COL5A2: variants seen among roughly 807,000 people sequenced by gnomAD.
The protein encoded by COL5A2 is collagen alpha-2(V) chain.
COL5A2 carries 23 observed loss-of-function variants against 208.2 expected under a neutral mutation model. The ratio of observed to expected loss-of-function variants is 0.11; its 90% CI spans 0.08 to 0.16. The LOEUF (loss-of-function observed/expected upper bound fraction) is 0.16, where lower values mean the gene tolerates loss of function less well. COL5A2 is among the 10% of genes least tolerant of loss of function. COL5A2 has a pLI of 1.00. For synonymous variants in COL5A2, 625 were observed against 628.5 expected, an observed-to-expected ratio of 0.99 and a Z score of 0.08; for missense variants, 1,590 against 1,956.4, an observed-to-expected ratio of 0.81 and a Z score of 3.53.
rs187510726 is a variant in COL5A2, at chr2:189,190,633, A to C, written c.-42+34515T>G. On this transcript the variant is annotated intron_variant, in intron 1 of 10. Transcript: ENST00000649966. Reference sequence around the variant, plus strand: ...CTCAGTATTCTACTCCATTTTTATAAATCTGATAAAAACTCTCCAAATAAT... The same window carrying C: ...CTCAGTATTCTACTCCATTTTTATACATCTGATAAAAACTCTCCAAATAAT... 1.5e-3 allele frequency among the ~76,000 whole-genome samples: 222 copies of C among 152,288 alleles called. 1 individual carries two copies. Among genetic ancestry groups the C allele is most frequent in the African/African-American group, 5.0e-3 (206 of 41,566 alleles).
At chr2:189,091,172 G>A (rs138544728) in intron 7 of COL5A2, among the ~76,000 whole-genome samples, 1 of 152,250 alleles carries the variant, frequency 6.6e-6, no homozygotes, top group East Asian at 1.9e-4. Flanking sequence ...GACTGCATTG[G>A]GGGAAGTAAT....
At chr2:189,142,611 C>G (rs564053075) in intron 1 of COL5A2, among the ~76,000 whole-genome samples, 4 of 152,246 alleles carry the variant, frequency 2.6e-5, no homozygotes, top group Non-Finnish European at 4.4e-5. Context: ...AAAAAATTCT[C>G]TCCATATTTT....
At chr2:189,431,216 T>TA in the COL5A2 span, among the ~76,000 whole-genome samples, 1 of 152,046 alleles carries the variant, frequency 6.6e-6, no homozygotes, top group Non-Finnish European at 1.5e-5. Context: ...CAAAGGTAGA[T>TA]AAAACCAAAA....
the COL5A2 span, among the ~76,000 whole-genome samples, chr2:189,365,851 T>C: frequency 1.3e-5 from 2 of 152,158 alleles, no homozygotes; most frequent in Non-Finnish European, 2.9e-5. Context: ...CCAGTAAAGG[T>C]GAAAAAGGCC....
chr2:189,159,629 T>C (rs546700181), intron 1 of COL5A2, among the ~76,000 whole-genome samples: 1 of 152,300 alleles, frequency 6.6e-6, no homozygotes, highest in African/African-American at 2.4e-5. Flanking sequence ...TACAAGTAAA[T>C]GTATTAGTTG....
chr2:189,191,962 C>T (rs1688937948), intron 1 of COL5A2, among the ~76,000 whole-genome samples: 1 of 151,734 alleles, frequency 6.6e-6, no homozygotes, highest in African/African-American at 2.4e-5. Flanking sequence ...CATATCTTTG[C>T]TTCCAAAAGA....
the COL5A2 span, among the ~76,000 whole-genome samples, chr2:189,428,581 G>A: frequency 6.6e-6 from 1 of 151,986 alleles, no homozygotes; most frequent in Admixed American, 6.6e-5. Context: ...CTGTGCCACT[G>A]CACTCCAGCC....
chr2:189,422,341 A>G, the COL5A2 span, among the ~76,000 whole-genome samples: 3 of 152,176 alleles, frequency 2.0e-5, no homozygotes, highest in Non-Finnish European at 2.9e-5. Flanking sequence ...GATTGAAATA[A>G]TATTTTAAGA....
intron 3 of COL5A2, among the ~76,000 whole-genome samples, chr2:189,103,100 G>A (rs1406946133): frequency 6.7e-6 from 1 of 148,566 alleles, no homozygotes; most frequent in African/African-American, 2.4e-5. Context: ...TCATAGATTG[G>A]TCTGTCTCTC....
chr2:189,173,115 T>G (rs1688605607), intron 1 of COL5A2, among the ~76,000 whole-genome samples: 1 of 151,696 alleles, frequency 6.6e-6, no homozygotes, highest in Admixed American at 6.6e-5. Context: ...GAATTACAAG[T>G]GCCCACCACC....
At chr2:189,270,329 G>A in the COL5A2 span, among the ~76,000 whole-genome samples, 2 of 151,882 alleles carry the variant, frequency 1.3e-5, no homozygotes, top group African/African-American at 4.8e-5. Context: ...GTAATGTTAG[G>A]GTGTCGATTT....
chr2:189,233,301 G>T, the COL5A2 span, among the ~76,000 whole-genome samples: 1 of 151,856 alleles, frequency 6.6e-6, no homozygotes, highest in African/African-American at 2.4e-5. Context: ...TTCCATTAAA[G>T]AATAAAGTTA....
In COL5A2 at chr2:189,106,772, T is replaced by C. The variant is rs75683175; in HGVS notation, c.323-2495A>G. Reference sequence around the variant, plus strand: ...TTAGTATCATTTATTACCAAGTTAGTAACTGTCTTTATCAAAAGTATTTAC... The same window carrying C: ...TTAGTATCATTTATTACCAAGTTAGCAACTGTCTTTATCAAAAGTATTTAC... On this transcript the variant is annotated intron_variant, in intron 2 of 53. Transcript: ENST00000374866. Among the ~76,000 whole-genome samples the C allele has an allele frequency of 7.2e-3, 1,093 of 151,450 alleles. 12 individuals are homozygous for C. Among genetic ancestry groups the C allele is most frequent in the African/African-American group, 0.024 (1,010 of 41,500 alleles).
chr2:189,342,397 T>C, the COL5A2 span, among the ~76,000 whole-genome samples: 2 of 145,688 alleles, frequency 1.4e-5, no homozygotes, highest in Non-Finnish European at 3.0e-5. Flanking sequence ...CTATTTGTTA[T>C]ATATTTATTT....
chr2:189,342,322 G>A, the COL5A2 span, among the ~76,000 whole-genome samples: 1 of 147,152 alleles, frequency 6.8e-6, no homozygotes, highest in Admixed American at 6.8e-5. Context: ...CCAAATACAA[G>A]CCTTCTGTTA....
the COL5A2 span, among the ~76,000 whole-genome samples, chr2:189,238,428 A>C: frequency 1.0e-3 from 156 of 152,292 alleles, 1 homozygote; most frequent in African/African-American, 3.5e-3. Context: ...CCAGTAGGAA[A>C]TAAGATTCTA....
chr2:189,225,432 A>G (rs1392051423), upstream of COL5A2, among the ~76,000 whole-genome samples: 1 of 152,174 alleles, frequency 6.6e-6, no homozygotes, highest in African/African-American at 2.4e-5. Context: ...TATAGTGTTT[A>G]GTATTATCTT....
chr2:189,043,170 T>G lies in COL5A2; in HGVS notation c.3452A>C (p.Gln1151Pro). The change falls in exon 48 of 54, where the codon CAG (glutamine) becomes CCG (proline). Residue 1151 changes from glutamine to proline, a missense_variant. Transcript: ENST00000374866. The stretch of plus-strand genomic sequence containing the variant: ...ACTTACAGGAGGGCCAGGAAGACCC[T>G]GAAGACCAGTAAAGCCTCTGTGGCC... ...QKGHRGFTGL[Q>P]GLPGPPGPNG... is the part of the protein sequence containing the mutation. 2 of 1,613,564 alleles carry G rather than the reference T, an allele frequency of 1.2e-6. No homozygotes were observed. The highest frequency in any genetic ancestry group is 1.7e-6 in the Non-Finnish European group (2 of 1,179,620).
At chr2:189,093,622 A>G (rs6434323) in intron 6 of COL5A2, among the ~76,000 whole-genome samples, 108,317 of 152,096 alleles carry the variant, frequency 0.71, 39,565 homozygotes, top group Non-Finnish European at 0.81. Context: ...CAAACAAGCA[A>G]ATTTATCTAT....
Sources: allele counts gnomAD v4.1 joint callset (sites outside exome capture counted in the v4.1 genomes callset), GRCh38; gene constraint gnomAD v4.1.1; transcripts MANE v1.5; gene names NCBI Gene and HGNC (gene_info 2026-07-23, HGNC 2026-07-21).